The following IGF2R variants were observed in gnomAD, a reference collection of about 807,000 sequenced individuals.
IGF2R encodes cation-independent mannose-6-phosphate receptor.
Under a neutral mutation model 270.6 loss-of-function variants are expected in IGF2R, and 91 were observed. The observed-to-expected ratio is 0.34, with a 90% CI of 0.28 to 0.40. IGF2R has a LOEUF of 0.40. IGF2R is among the 10% of genes least tolerant of loss of function. The probability of loss-of-function intolerance (pLI) is 1.00; values close to 1 mark genes in which losing one functional copy is unlikely to be tolerated. For missense variants in IGF2R, 2,805 were observed against 3,188.3 expected (o/e 0.88, Z 2.90); for synonymous variants, 1,316 against 1,258.9 (o/e 1.05, Z -0.96).
intron 46 of IGF2R, 54 bp from the exon 47 acceptor site, chr6:160,103,692 C>T (rs547719358): frequency 1.3e-4 from 171 of 1,345,778 alleles, no homozygotes; most frequent in Middle Eastern, 1.1e-3. Context: ...GGGTGGGGCT[C>T]CTGCCCATGC....
chr6:160,101,882 G>C (rs1430922757), intron 45 of IGF2R, among the ~76,000 whole-genome samples: 3 of 152,204 alleles, frequency 2.0e-5, no homozygotes, highest in Admixed American at 2.0e-4. Flanking sequence ...TCTTGGGTGG[G>C]AATGGTGAAC....
rs1007319522 is a variant in IGF2R at position 160,047,774 on chromosome 6, G to A, written c.2230-18G>A. 65 of 1,478,566 alleles carry A rather than the reference G, an allele frequency of 4.4e-5. No homozygotes were observed. The highest frequency in any genetic ancestry group is 5.5e-5 in the African/African-American group (4 of 72,230). 91.6% of individuals were successfully genotyped at this position (1,478,566 alleles called of 1,614,324 possible). A position where few individuals can be genotyped will look rare whatever the true frequency, so the allele number is the denominator to read the frequency against. ...CTTTCTCTTTTTGCCATCCCTCCGC[G>A]CATCTGCCGTGGATTAGGAAGAGGA... is the stretch of plus-strand genomic sequence containing the variant. On this transcript the variant is annotated intron_variant, in intron 16 of 47. Coordinates refer to ENST00000356956, the MANE Select transcript of IGF2R (RefSeq NM_000876.4).
rs1437520608 is a variant in IGF2R at position 160,106,355 on chromosome 6, T to C, written c.*1271T>C. On this transcript the variant is annotated 3_prime_UTR_variant, in exon 48 of 48. Transcript: ENST00000356956. ...AATGACTTTTCTCGCATTGTAGAAT[T>C]GTATATAGACTCTGGTGTTCTATTG... The C allele has an allele frequency of 1.3e-5, 2 of 152,646 alleles. No homozygotes were observed. The highest frequency in any genetic ancestry group is 2.4e-5 in the African/African-American group (1 of 41,452). The allele number at this position is 152,646 out of a possible 1,614,324, so 9.5% of individuals were successfully genotyped here. A position where few individuals can be genotyped will look rare whatever the true frequency, so the allele number is the denominator to read the frequency against.
intron 4 of IGF2R, among the ~76,000 whole-genome samples, chr6:160,012,268 A>G (rs1298483055): frequency 2.6e-5 from 4 of 152,218 alleles, no homozygotes; most frequent in Non-Finnish European, 5.9e-5. Context: ...TGGGAAAAGC[A>G]TCTCAAAGCA....
chr6:159,984,323 T>C (rs776786055), intron 1 of IGF2R, among the ~76,000 whole-genome samples: 1 of 152,194 alleles, frequency 6.6e-6, no homozygotes, highest in East Asian at 1.9e-4. Context: ...CGTAGCACAA[T>C]GCATTAGTCA....
intron 10 of IGF2R, among the ~76,000 whole-genome samples, chr6:160,038,684 CAG>C (rs1438782289): frequency 6.6e-6 from 1 of 152,124 alleles, no homozygotes; most frequent in African/African-American, 2.4e-5. Flanking sequence ...CCGGCAAGCT[CAG>C]GGGCCCAGCT....
intron 37 of IGF2R, among the ~76,000 whole-genome samples, chr6:160,079,072 G>A (rs1210812157): frequency 1.3e-5 from 2 of 152,220 alleles, no homozygotes; most frequent in Non-Finnish European, 2.9e-5. Flanking sequence ...GGGCCCAGGT[G>A]TCAACACCCT....
At chr6:160,065,830 A>G (rs879905551) in intron 29 of IGF2R, among the ~76,000 whole-genome samples, 20,662 of 127,134 alleles carry the variant, frequency 0.16, 1,995 homozygotes, top group Middle Eastern at 0.32. Flanking sequence ...ATATATATAT[A>G]TATATATATA....
Position 160,106,343 on chromosome 6 carries a change from G to A in IGF2R, c.*1259G>A, listed in dbSNP as rs572397343. ...CCATGTTTAGTGAATGACTTTTCTC[G>A]CATTGTAGAATTGTATATAGACTCT... On this transcript the variant is annotated 3_prime_UTR_variant, in exon 48 of 48. Transcript: ENST00000356956. 7 of 152,766 alleles carry A rather than the reference G, an allele frequency of 4.6e-5. No homozygotes were observed. The highest frequency in any genetic ancestry group is 3.4e-3 in the Middle Eastern group (1 of 294). The allele number at this position is 152,766 out of a possible 1,614,324, so 9.5% of individuals were successfully genotyped here. A position where few individuals can be genotyped will look rare whatever the true frequency, so the allele number is the denominator to read the frequency against.
At chr6:160,003,958 G>A (rs949662500) in intron 2 of IGF2R, 1 of 152,114 alleles carries the variant, frequency 6.6e-6, no homozygotes, top group South Asian at 2.1e-4. Context: ...GTCTCTCTGG[G>A]GGAACAGCCA....
At chr6:160,094,735 A>G (rs1196278831) in intron 44 of IGF2R, 1 of 152,084 alleles carries the variant, frequency 6.6e-6, no homozygotes, top group African/African-American at 2.4e-5. Context: ...CGTCTTTACT[A>G]AAAATACAAA....
chr6:160,080,856 G>A (rs1006931525), intron 39 of IGF2R, among the ~76,000 whole-genome samples: 4 of 152,006 alleles, frequency 2.6e-5, no homozygotes, highest in Non-Finnish European at 4.4e-5. Flanking sequence ...GGTGGCTCAC[G>A]CCTGTAATCC....
rs1778525867 is a variant in IGF2R at position 160,064,787 on chromosome 6, C to T, written c.4018-17C>T. The T allele has an allele frequency of 6.5e-7, 1 of 1,541,294 alleles. No homozygotes were observed. Among genetic ancestry groups the T allele is most frequent in the African/African-American group, 1.4e-5 (1 of 73,504 alleles). ...TTGCATTCTCACTTTTATATATGTG[C>T]CTCTTAACTTTTTTAGCCAGTATTT... On this transcript the variant is annotated splice_polypyrimidine_tract_variant and intron_variant, in intron 28 of 47. Coordinates refer to ENST00000356956, the MANE Select transcript of IGF2R (RefSeq NM_000876.4).
intron 39 of IGF2R, 25 bp downstream of exon 39, chr6:160,080,300 C>G: frequency 2.5e-6 from 4 of 1,607,946 alleles, no homozygotes; most frequent in Non-Finnish European, 3.4e-6. Context: ...TCCGCGTCCC[C>G]ACATGGCCTG....
chr6:160,072,078 G>A, intron 32 of IGF2R, 42 bp downstream of exon 32: 1 of 1,611,806 alleles, frequency 6.2e-7, no homozygotes, highest in Non-Finnish European at 8.5e-7. Context: ...GCAGGTGAGA[G>A]ACGGTGCCCC....
intron 41 of IGF2R, among the ~76,000 whole-genome samples, chr6:160,087,622 C>T (rs776537161): frequency 1.3e-5 from 2 of 152,144 alleles, no homozygotes; most frequent in Non-Finnish European, 2.9e-5. Context: ...TTTCTTCTGG[C>T]CTTTAAACCA....
At chr6:160,071,137 G>A (rs1778717285) in intron 31 of IGF2R, among the ~76,000 whole-genome samples, 2 of 149,898 alleles carry the variant, frequency 1.3e-5, no homozygotes, top group Non-Finnish European at 3.0e-5. Flanking sequence ...GTGTGTGGGG[G>A]CCTCTGTGCC....
intron 4 of IGF2R, among the ~76,000 whole-genome samples, chr6:160,024,328 C>T (rs1402246289): frequency 6.6e-6 from 1 of 152,126 alleles, no homozygotes; most frequent in South Asian, 2.1e-4. Context: ...AGAGGGAAAA[C>T]CTGGTGATGT....
chr6:160,018,687 T>C (rs1342375608), intron 4 of IGF2R, among the ~76,000 whole-genome samples: 3 of 152,054 alleles, frequency 2.0e-5, no homozygotes, highest in Non-Finnish European at 2.9e-5. Context: ...ACTATACAAA[T>C]AATTGGAAAT....
Sources: allele counts gnomAD v4.1 joint callset (sites outside exome capture counted in the v4.1 genomes callset), GRCh38; gene constraint gnomAD v4.1.1; transcripts MANE v1.5; gene names NCBI Gene and HGNC (gene_info 2026-07-23, HGNC 2026-07-21).